PLCB1: variants seen among roughly 807,000 people sequenced by gnomAD.
PLCB1 encodes the protein 1-phosphatidylinositol 4,5-bisphosphate phosphodiesterase beta-1.
PLCB1 carries 46 observed loss-of-function variants against 161.8 expected under a neutral mutation model. The ratio of observed to expected loss-of-function variants is 0.28; its 90% CI spans 0.22 to 0.36. PLCB1 has a LOEUF of 0.36. PLCB1 is among the 10% of genes least tolerant of loss of function. The pLI is 1.00. For synonymous variants in PLCB1, 517 were observed against 503.7 expected, an observed-to-expected ratio of 1.03 and a Z score of -0.35; for missense variants, 1,016 against 1,472.5, an observed-to-expected ratio of 0.69 and a Z score of 5.07.
intron 18 of PLCB1, 179 bp downstream of exon 18, chr20:8,729,353 G>A: frequency 2.4e-6 from 1 of 418,464 alleles, no homozygotes; most frequent in Non-Finnish European, 4.1e-6. Context: ...ATCGAGACAT[G>A]TTCTTCAATT....
chr20:8,463,146 A>T (rs371318639), intron 3 of PLCB1, among the ~76,000 whole-genome samples: 1 of 144,784 alleles, frequency 6.9e-6, no homozygotes, highest in African/African-American at 2.6e-5. Flanking sequence ...AGTACAGAGC[A>T]GTGTGTGTGT....
intron 31 of PLCB1, among the ~76,000 whole-genome samples, chr20:8,880,063 A>C (rs1987918297): frequency 6.6e-6 from 1 of 152,150 alleles, no homozygotes; most frequent in Non-Finnish European, 1.5e-5. Context: ...TCAAGATCAA[A>C]TTCCAGACGA....
chr20:8,177,983 T>A (rs1467114780), intron 2 of PLCB1, among the ~76,000 whole-genome samples: 1 of 152,160 alleles, frequency 6.6e-6, no homozygotes, highest in Admixed American at 6.5e-5. Flanking sequence ...TCACTTAGGG[T>A]AATGGCCTCC....
intron 27 of PLCB1, among the ~76,000 whole-genome samples, chr20:8,780,558 GTTC>G (rs1555790055): frequency 2.0e-5 from 3 of 151,966 alleles, no homozygotes; most frequent in Admixed American, 1.3e-4. Flanking sequence ...AATGGCTCGC[GTTC>G]TTCTTACAAT....
At chr20:8,151,836 A>G (rs745974425) in intron 2 of PLCB1, among the ~76,000 whole-genome samples, 1 of 152,198 alleles carries the variant, frequency 6.6e-6, no homozygotes, top group Non-Finnish European at 1.5e-5. Flanking sequence ...GCTTCTATAA[A>G]AGCAACAGAA....
At position 8,500,293 on chromosome 20, in the gene PLCB1, CTTTG is replaced by C. The variant is rs568396682; in HGVS notation, c.247-127996_247-127993del. 2.9e-3 allele frequency among the ~76,000 whole-genome samples: 442 copies of C among 152,264 alleles called. 3 individuals are homozygous for C. The highest frequency in any genetic ancestry group is 0.01 in the African/African-American group (421 of 41,550). On this transcript the variant is annotated intron_variant, in intron 3 of 31. Coordinates refer to ENST00000338037, the MANE Select transcript of PLCB1 (RefSeq NM_015192.4). ...TATTTTATACCATACGAATTGGTCT[CTTTG>C]TTTGAGAATTCAAATATTTTACAGC...
At chr20:8,456,650 A>G (rs1340491274) in intron 3 of PLCB1, among the ~76,000 whole-genome samples, 1 of 152,236 alleles carries the variant, frequency 6.6e-6, no homozygotes, top group Non-Finnish European at 1.5e-5. Flanking sequence ...CCTTCACTTT[A>G]GCCTGGGCTG....
intron 3 of PLCB1, among the ~76,000 whole-genome samples, chr20:8,539,692 T>TTC (rs1370345996): frequency 1.9e-4 from 2 of 10,594 alleles, no homozygotes; most frequent in African/African-American, 5.3e-4. Context: ...TTCTTTTTCT[T>TTC]TTTCCTTCCT....
At chr20:8,549,281 C>T (rs956734873) in intron 3 of PLCB1, among the ~76,000 whole-genome samples, 2 of 152,124 alleles carry the variant, frequency 1.3e-5, no homozygotes, top group South Asian at 2.1e-4. Flanking sequence ...AATGTCTAGG[C>T]CCAAGATGCC....
At chr20:8,638,870 A>G (rs940210585) in intron 4 of PLCB1, among the ~76,000 whole-genome samples, 1 of 98,152 alleles carries the variant, frequency 1.0e-5, no homozygotes, top group African/African-American at 4.7e-5. Flanking sequence ...CTTGTCCAAC[A>G]TGATTCTGTC....
intron 2 of PLCB1, among the ~76,000 whole-genome samples, chr20:8,173,619 G>C (rs773053272): frequency 1.3e-5 from 2 of 152,152 alleles, no homozygotes; most frequent in Non-Finnish European, 2.9e-5. Flanking sequence ...ATCATACTAA[G>C]AGCTGAGAAG....
chr20:8,501,733 G>A (rs190400597), intron 3 of PLCB1, among the ~76,000 whole-genome samples: 104 of 152,052 alleles, frequency 6.8e-4, no homozygotes, highest in African/African-American at 2.4e-3. Context: ...CTGTAAATTC[G>A]TGGCTGTTGA....
chr20:8,765,378 T>G lies in PLCB1; in HGVS notation c.2930+20T>G, dbSNP rs45533233. On this transcript the variant is annotated intron_variant, in intron 26 of 31. Coordinates refer to ENST00000338037, the MANE Select transcript of PLCB1 (RefSeq NM_015192.4). Reference sequence around the variant, plus strand: ...GAAAAAGTAAGTTCAATGAATATTTTTAGTTGGTTTCATAGCATGAAGAGT... The same window carrying G: ...GAAAAAGTAAGTTCAATGAATATTTGTAGTTGGTTTCATAGCATGAAGAGT... 3.9e-4 allele frequency: 607 copies of G among 1,551,492 alleles called. 6 individuals are homozygous for G. In the African/African-American group the frequency reaches 7.6e-3, roughly 19 times the overall value.
At chr20:8,425,444 A>G (rs1979720825) in intron 3 of PLCB1, among the ~76,000 whole-genome samples, 1 of 152,054 alleles carries the variant, frequency 6.6e-6, no homozygotes, top group Non-Finnish European at 1.5e-5. Flanking sequence ...GTGCTTCTAA[A>G]ACTATAAAGT....
At chr20:8,318,646 A>G (rs1294859460) in intron 2 of PLCB1, among the ~76,000 whole-genome samples, 1 of 152,104 alleles carries the variant, frequency 6.6e-6, no homozygotes, top group African/African-American at 2.4e-5. Flanking sequence ...TTTTTATCCA[A>G]GGGCACTGTA....
chr20:8,252,271 A>G (rs1302141919), intron 2 of PLCB1, among the ~76,000 whole-genome samples: 3 of 151,986 alleles, frequency 2.0e-5, no homozygotes, highest in African/African-American at 7.2e-5. Flanking sequence ...CTCTGTATGC[A>G]AAGACAGCAT....
chr20:8,444,190 T>TC (rs986074095), intron 3 of PLCB1, among the ~76,000 whole-genome samples: 4 of 120,866 alleles, frequency 3.3e-5, no homozygotes, highest in Admixed American at 9.0e-5. Flanking sequence ...CCCTCCCACC[T>TC]CCCCCCACCA....
intron 2 of PLCB1, among the ~76,000 whole-genome samples, chr20:8,300,170 C>G (rs541708897): frequency 5.9e-5 from 9 of 152,108 alleles, no homozygotes; most frequent in Non-Finnish European, 1.2e-4. Flanking sequence ...CTCCCATAGG[C>G]TAGCTAGGGA....
chr20:8,489,857 C>A (rs1426497332), intron 3 of PLCB1, among the ~76,000 whole-genome samples: 1 of 152,182 alleles, frequency 6.6e-6, no homozygotes, highest in African/African-American at 2.4e-5. Context: ...TGTATTCTTC[C>A]TGCAAATTTG....
Sources: gnomAD v4.1 joint callset for allele counts (sites outside exome capture counted in the v4.1 genomes callset) on GRCh38, gnomAD v4.1.1 for gene constraint, MANE v1.5 for transcripts, NCBI Gene and HGNC (gene_info 2026-07-23, HGNC 2026-07-21) for gene names.